Variants in HELZ observed in about 807,000 individuals in gnomAD.
HELZ encodes the protein helicase with zinc finger.
A neutral mutation model predicts 218.2 loss-of-function variants in HELZ; 23 were observed. The ratio of observed to expected loss-of-function variants is 0.11; its 90% CI spans 0.08 to 0.15. The LOEUF is 0.15. HELZ is among the 10% of genes least tolerant of loss of function. The pLI is 1.00. For missense variants in HELZ, 1,813 were observed against 2,353.7 expected (o/e 0.77, Z 4.75); for synonymous variants, 814 against 829.4 (o/e 0.98, Z 0.32).
At chr17:67,115,509 T>C (rs1351099194) in intron 27 of HELZ, among the ~76,000 whole-genome samples, 1 of 151,886 alleles carries the variant, frequency 6.6e-6, no homozygotes, top group Admixed American at 6.5e-5. Flanking sequence ...TCAAGGCATA[T>C]CATAATCAAA....
At chr17:67,201,717 A>T (rs941078572) in intron 6 of HELZ, among the ~76,000 whole-genome samples, 1 of 152,226 alleles carries the variant, frequency 6.6e-6, no homozygotes, top group African/African-American at 2.4e-5. Context: ...TTTTAAATTT[A>T]AAAACAACAG....
At chr17:67,238,654 C>T (rs1222713280) in intron 3 of HELZ, among the ~76,000 whole-genome samples, 1 of 152,034 alleles carries the variant, frequency 6.6e-6, no homozygotes, top group Admixed American at 6.6e-5. Flanking sequence ...TCATTGCACT[C>T]CAGCCTAGGT....
chr17:67,127,260 TG>T (rs1335600223), intron 24 of HELZ, among the ~76,000 whole-genome samples: 1 of 152,222 alleles, frequency 6.6e-6, no homozygotes, highest in African/African-American at 2.4e-5. Flanking sequence ...AATTTGCTAC[TG>T]TGCTCCTTTA....
At chr17:67,095,440 G>C (rs7212076) in intron 31 of HELZ, among the ~76,000 whole-genome samples, 90,259 of 152,020 alleles carry the variant, frequency 0.59, 27,988 homozygotes, top group East Asian at 0.88. Context: ...CCCAGATACT[G>C]AGGAGGCTGA....
At position 67,151,128 on chromosome 17, in the gene HELZ, C is replaced by T. The variant is rs780604022; in HGVS notation, c.2274G>A (p.Gln758=). The change falls in exon 18 of 33, where the codon CAG becomes CAA. Residue 758 remains glutamine, a synonymous_variant. Coordinates refer to ENST00000358691, the MANE Select transcript of HELZ (RefSeq NM_014877.4). ...CTCGATGTTTAAGAATATCTTCTTT[C>T]TGGGGCATCTGAAAGGTGGAATGTG... The part of the protein sequence containing the change: ...SSAHSTFQMP[Q]KEDILKHRVV... The T allele has an allele frequency of 1.9e-6, 3 of 1,613,952 alleles. No individual in the cohort carries two copies. In the South Asian group the frequency reaches 3.3e-5, roughly 18 times the overall value.
upstream of HELZ, chr17:67,245,270 G>A (rs1323066611): frequency 4.8e-5 from 46 of 951,768 alleles, no homozygotes; most frequent in Non-Finnish European, 5.1e-5. Flanking sequence ...CGCCGCCGGC[G>A]CCGCCCCCTC....
At chr17:67,164,342 G>A (rs1370059077) in intron 15 of HELZ, among the ~76,000 whole-genome samples, 1 of 152,188 alleles carries the variant, frequency 6.6e-6, no homozygotes, top group Admixed American at 6.5e-5. Context: ...TTGAGGAAGA[G>A]AGCATATGAG....
chr17:67,234,309 G>A (rs932623092), intron 3 of HELZ, among the ~76,000 whole-genome samples: 57 of 127,416 alleles, frequency 4.5e-4, no homozygotes, highest in Middle Eastern at 4.3e-3. Context: ...AAAAAAAAAA[G>A]AAAGAAAAAA....
intron 15 of HELZ, among the ~76,000 whole-genome samples, chr17:67,166,257 G>A (rs938533632): frequency 6.6e-6 from 1 of 152,124 alleles, no homozygotes; most frequent in Non-Finnish European, 1.5e-5. Flanking sequence ...ATCAAATTAA[G>A]GCTGTTGAGA....
intron 18 of HELZ, 132 bp from the exon 19 acceptor site, chr17:67,150,117 A>ATTT: frequency 3.3e-6 from 1 of 300,994 alleles, no homozygotes; most frequent in Admixed American, 5.4e-5. Context: ...ACTTTTATTT[A>ATTT]TTTATTTTCT....
intron 5 of HELZ, 74 bp from the exon 6 acceptor site, chr17:67,203,517 A>C (rs547454048): frequency 6.5e-7 from 1 of 1,539,412 alleles, no homozygotes; most frequent in Middle Eastern, 1.7e-4. Context: ...GTATTAACAC[A>C]CTATCACAAG....
chr17:67,108,336 T>C lies in HELZ; in HGVS notation c.4724+156A>G, dbSNP rs1211458388. 4 of 602,960 alleles carry C rather than the reference T, an allele frequency of 6.6e-6. No homozygotes were observed. The highest frequency in any genetic ancestry group is 1.2e-5 in the Non-Finnish European group (4 of 341,162). The allele number at this position is 602,960 out of a possible 1,614,324, so 37.4% of individuals were successfully genotyped here. ...ACTTCTAAATGAGTTTTCTGTATTT[T>C]AGAGTCAACAAGAGAACTGTGTAGC... On this transcript the variant is annotated intron_variant, in intron 30 of 32. Coordinates refer to ENST00000358691, the MANE Select transcript of HELZ (RefSeq NM_014877.4). This position sits in a 1 kb window ranked among gnomAD's most constrained non-coding sequence, Gnocchi z 4.1.
intron 20 of HELZ, among the ~76,000 whole-genome samples, chr17:67,147,469 T>G (rs2038535838): frequency 6.6e-6 from 1 of 152,034 alleles, no homozygotes. Flanking sequence ...AATCTTCCCC[T>G]GCCTTTTTAT....
chr17:67,143,183 A>G (rs1471818084), intron 21 of HELZ, among the ~76,000 whole-genome samples: 4 of 152,156 alleles, frequency 2.6e-5, no homozygotes, highest in Non-Finnish European at 5.9e-5. Flanking sequence ...ATTCTCCTCT[A>G]TGCCTCAGGT....
At chr17:67,185,053 C>T (rs1050992849) in intron 12 of HELZ, among the ~76,000 whole-genome samples, 1 of 152,134 alleles carries the variant, frequency 6.6e-6, no homozygotes, top group Non-Finnish European at 1.5e-5. Flanking sequence ...CAAGGAAGAT[C>T]CAATGATGAA....
intron 3 of HELZ, chr17:67,224,428 G>C (rs1175404799): frequency 8.8e-6 from 2 of 226,592 alleles, no homozygotes; most frequent in Non-Finnish European, 1.8e-5. Flanking sequence ...TCGAAGTTAG[G>C]TAAGCCAAGA....
At chr17:67,080,013 T>C (rs2036139464) in intron 32 of HELZ, among the ~76,000 whole-genome samples, 1 of 152,148 alleles carries the variant, frequency 6.6e-6, no homozygotes, top group African/African-American at 2.4e-5. Flanking sequence ...TGTCAGCAAA[T>C]GTTTTAGATT....
intron 17 of HELZ, among the ~76,000 whole-genome samples, chr17:67,151,483 T>TCAGAGTAATCTTG (rs1223979713): frequency 1.3e-5 from 2 of 152,222 alleles, no homozygotes; most frequent in Non-Finnish European, 2.9e-5. Flanking sequence ...TTTTAAGTGT[T>TCAGAGTAATCTTG]CAGAGTAATC....
chr17:67,116,413 C>T (rs987246413), intron 27 of HELZ, among the ~76,000 whole-genome samples: 1 of 151,868 alleles, frequency 6.6e-6, no homozygotes, highest in Admixed American at 6.6e-5. Flanking sequence ...TCAAGAGCCA[C>T]CTATATGTTA....
Sources: allele counts gnomAD v4.1 joint callset (sites outside exome capture counted in the v4.1 genomes callset), GRCh38; gene constraint gnomAD v4.1.1; non-coding constraint Gnocchi (gnomAD v3.1); transcripts MANE v1.5; gene names NCBI Gene and HGNC (gene_info 2026-07-23, HGNC 2026-07-21).